The following CCL23 variants were observed in gnomAD, a reference collection of about 807,000 sequenced individuals.
The protein encoded by CCL23 is C-C motif chemokine ligand 23.
Under a neutral mutation model 11.8 loss-of-function variants are expected in CCL23, and 10 were observed. The observed-to-expected ratio is 0.84, with a 90% confidence interval of 0.52 to 1.43. CCL23 has a LOEUF of 1.43. Among genes scored for constraint, CCL23 ranks in the 40% most tolerant of loss-of-function variants. The probability of loss-of-function intolerance (pLI) is 0.00; values close to 1 mark genes in which losing one functional copy is unlikely to be tolerated. For synonymous variants in CCL23, 60 were observed against 61.0 expected (o/e 0.98, Z 0.07); for missense variants, 181 against 170.9 (o/e 1.06, Z -0.33).
At position 36,017,968 on chromosome 17, in the gene CCL23, G is replaced by A. The variant is rs1419465853; in HGVS notation, c.-71C>T. 3.3e-6 allele frequency: 5 copies of A among 1,538,336 alleles called. No homozygotes were observed. The South Asian group carries it at 3.5e-5, about 11-fold the overall frequency. On this transcript the variant is annotated 5_prime_UTR_variant, in exon 1 of 4. Transcript: ENST00000615050. ...TGCTTCCTGGCTTCTCGGGATGCCAGTTCTGCCCTTGTATTTATAAGAAGA... is the reference window on the plus strand; with the variant it reads ...TGCTTCCTGGCTTCTCGGGATGCCAATTCTGCCCTTGTATTTATAAGAAGA...
Position 36,014,372 on chromosome 17 carries a change from A to G in CCL23, c.98T>C (p.Met33Thr), listed in dbSNP as rs1598757398. 6.2e-7 allele frequency: 1 copy of G among 1,613,516 alleles called. No individual in the cohort carries two copies. Among genetic ancestry groups the G allele is most frequent in the Non-Finnish European group, 8.5e-7 (1 of 1,179,410 alleles). Residue 33 changes from methionine (M) to threonine (T), a missense_variant, in exon 2 of 4, where the codon ATG (methionine) becomes ACG (threonine). Coordinates refer to ENST00000615050, the MANE Select transcript of CCL23 (RefSeq NM_005064.6). ...TGGATTTTCCAATGGAAGCTTTGACATCATGAACTCTGTCTCTGCATCTGG... is the reference window on the plus strand; with the variant it reads ...TGGATTTTCCAATGGAAGCTTTGACGTCATGAACTCTGTCTCTGCATCTGG... ...VTKDAETEFM[M>T]SKLPLENPVL...
At position 36,013,813 on chromosome 17, in the gene CCL23, C is replaced by T. The variant is rs758235883; in HGVS notation, c.233G>A (p.Arg78Gln). The change falls in exon 3 of 4, where the codon CGA becomes CAA. Residue 78 changes from arginine (R) to glutamine (Q), a missense_variant. Transcript: ENST00000615050. ...CTCCAGGAGTGAACACGGGATGCTT[C>T]GTGGGGTGTAGGAGATGCAGCAGTC... ...SADCCISYTPRSIPCSLLESY... is the reference protein window; with the variant it reads ...SADCCISYTPQSIPCSLLESY... 2.5e-5 allele frequency: 40 copies of T among 1,614,006 alleles called. No individual in the cohort carries two copies. Among genetic ancestry groups the T allele is most frequent in the Non-Finnish European group, 3.2e-5 (38 of 1,180,010 alleles).
Position 36,013,797 on chromosome 17 carries a change from T to TTACTCATCCA in CCL23, c.248_249insTGGATGAGTA (p.Leu84GlyfsTer2). ...TCGTTTCAAAGTAACTCTCCAGGAG[T>TTACTCATCCA]GAACACGGGATGCTTCGTGGGGTGT... On this transcript the variant is annotated stop_gained and frameshift_variant, in exon 3 of 4. Coordinates refer to ENST00000615050, the MANE Select transcript of CCL23 (RefSeq NM_005064.6). LOFTEE classifies it high-confidence loss of function. The TTACTCATCCA allele has an allele frequency of 6.2e-7, 1 of 1,614,004 alleles. No homozygotes were observed. The highest frequency in any genetic ancestry group is 8.5e-7 in the Non-Finnish European group (1 of 1,179,992).
chr17:36,015,915 G>A (rs1479033536), intron 1 of CCL23, among the ~76,000 whole-genome samples: 1 of 151,810 alleles, frequency 6.6e-6, no homozygotes, highest in African/African-American at 2.4e-5. Context: ...ATGGTGGCAT[G>A]TGCCTGTAAT....
intron 1 of CCL23, among the ~76,000 whole-genome samples, chr17:36,014,706 C>G (rs1388944424): frequency 1.3e-5 from 2 of 152,222 alleles, no homozygotes; most frequent in African/African-American, 4.8e-5. Context: ...CTACAAGTCT[C>G]TCTACACATT....
chr17:36,013,567 C>A (rs1050806303), intron 3 of CCL23, 177 bp downstream of exon 3: 4 of 646,740 alleles, frequency 6.2e-6, no homozygotes, highest in Non-Finnish European at 1.1e-5. Context: ...CCACCCTTTT[C>A]CCCCTGGGAG....
intron 1 of CCL23, 106 bp downstream of exon 1, chr17:36,017,716 G>T: frequency 9.8e-7 from 1 of 1,021,830 alleles, no homozygotes; most frequent in Non-Finnish European, 1.5e-6. Flanking sequence ...TGAGTACCAT[G>T]ACCACGTCTG....
intron 1 of CCL23, among the ~76,000 whole-genome samples, chr17:36,017,612 GC>G (rs2090107009): frequency 1.3e-5 from 2 of 152,144 alleles, no homozygotes; most frequent in Admixed American, 1.3e-4. Context: ...GAAATGATTG[GC>G]CCCACATTGG....
At chr17:36,013,566 T>TC in intron 3 of CCL23, 178 bp downstream of exon 3, 1 of 644,908 alleles carries the variant, frequency 1.6e-6, no homozygotes, top group Non-Finnish European at 2.7e-6. Flanking sequence ...CCCACCCTTT[T>TC]CCCCCTGGGA....
At chr17:36,014,728 C>T (rs1407643243) in intron 1 of CCL23, among the ~76,000 whole-genome samples, 2 of 152,182 alleles carry the variant, frequency 1.3e-5, no homozygotes, top group East Asian at 3.8e-4. Flanking sequence ...CTGGAATCCA[C>T]AGGGCTCTGG....
chr17:36,013,540 GCTTT>G (rs2142024070), intron 3 of CCL23, 200 bp downstream of exon 3: 1 of 625,764 alleles, frequency 1.6e-6, no homozygotes, highest in South Asian at 2.0e-5. Context: ...ACTTGTGCCT[GCTTT>G]CTTCTTCCTT....
chr17:36,017,157 C>T (rs1463868768), intron 1 of CCL23, among the ~76,000 whole-genome samples: 1 of 152,104 alleles, frequency 6.6e-6, no homozygotes, highest in Non-Finnish European at 1.5e-5. Flanking sequence ...CCTCAGTTTT[C>T]TCATTTGTAA....
intron 3 of CCL23, 76 bp from the exon 4 acceptor site, chr17:36,013,384 G>A: frequency 1.2e-6 from 1 of 856,524 alleles, no homozygotes; most frequent in Non-Finnish European, 1.9e-6. Context: ...CATTCTCCCT[G>A]CCCCTCAGAT....
Position 36,014,298 on chromosome 17 carries a change from G to C in CCL23, c.136+36C>G, listed in dbSNP as rs369093985. ...CCATAGTGCAGACCTGCACCTGCTGGCTGCTTTTAAATATATGCCGTATCT... is the reference window on the plus strand; with the variant it reads ...CCATAGTGCAGACCTGCACCTGCTGCCTGCTTTTAAATATATGCCGTATCT... On this transcript the variant is annotated intron_variant, in intron 2 of 3. Transcript: ENST00000615050. The C allele has an allele frequency of 6.1e-5, 91 of 1,496,104 alleles. 1 individual carries two copies. The East Asian group carries it at 9.2e-4, about 15-fold the overall frequency. The allele number at this position is 1,496,104 out of a possible 1,614,324, so 92.7% of individuals were successfully genotyped here.
chr17:36,013,829 T>C lies in CCL23; in HGVS notation c.217A>G (p.Ile73Val). The C allele has an allele frequency of 6.2e-7, 1 of 1,614,172 alleles. No individual in the cohort carries two copies. Among genetic ancestry groups the C allele is most frequent in the Non-Finnish European group, 8.5e-7 (1 of 1,180,014 alleles). The change falls in exon 3 of 4, where the codon ATC (isoleucine) becomes GTC (valine). Residue 73 changes from isoleucine to valine, a missense_variant. By Grantham distance (29) the Ile-to-Val change is conservative. Coordinates refer to ENST00000615050, the MANE Select transcript of CCL23 (RefSeq NM_005064.6). ...GFHATSADCC[I>V]SYTPRSIPCS... ...GGGATGCTTCGTGGGGTGTAGGAGA[T>C]GCAGCAGTCAGCACTAGTAGCATGG...
intron 1 of CCL23, among the ~76,000 whole-genome samples, chr17:36,015,379 A>G (rs2090090256): frequency 6.6e-6 from 1 of 152,010 alleles, no homozygotes; most frequent in Non-Finnish European, 1.5e-5. Flanking sequence ...TATGAACCAC[A>G]CTTTGTTTAT....
chr17:36,017,779 T>C (rs1209614833), intron 1 of CCL23, 43 bp downstream of exon 1: 1 of 1,581,110 alleles, frequency 6.3e-7, no homozygotes, highest in Admixed American at 1.7e-5. Flanking sequence ...GAGCTTGAGT[T>C]ACCATGAACC....
At chr17:36,013,958 C>T (rs773934905) in intron 2 of CCL23, 49 bp from the exon 3 acceptor site, 76 of 1,571,624 alleles carry the variant, frequency 4.8e-5, no homozygotes, top group Non-Finnish European at 5.9e-5. Context: ...TTTCCTCCTC[C>T]GTGACCAGCA....
intron 3 of CCL23, 128 bp downstream of exon 3, chr17:36,013,616 C>T (rs1184501371): frequency 1.2e-6 from 1 of 854,860 alleles, no homozygotes; most frequent in Non-Finnish European, 1.9e-6. Flanking sequence ...TTCCTAAGGA[C>T]ACAGCTGCCC....
Sources: gnomAD v4.1 joint callset for allele counts (sites outside exome capture counted in the v4.1 genomes callset) on GRCh38, gnomAD v4.1.1 for gene constraint, MANE v1.5 for transcripts, NCBI Gene and HGNC (gene_info 2026-07-23, HGNC 2026-07-21) for gene names.